LRRC4C: variants seen among roughly 807,000 people sequenced by gnomAD.
LRRC4C encodes the protein leucine-rich repeat-containing protein 4C.
A neutral mutation model predicts 33.6 loss-of-function variants in LRRC4C; 5 were observed. That is an observed-to-expected ratio of 0.15 (90% CI 0.08 to 0.31). LRRC4C has a LOEUF of 0.31. Among genes scored for constraint, LRRC4C ranks in the 10% least tolerant of loss-of-function variants. LRRC4C has a pLI of 1.00. For missense variants in LRRC4C, 560 were observed against 796.7 expected (o/e 0.70, Z 3.58); for synonymous variants, 329 against 302.0 (o/e 1.09, Z -0.93).
At chr11:41,148,674 T>C (rs1434726369) in intron 1 of LRRC4C, among the ~76,000 whole-genome samples, 2 of 152,098 alleles carry the variant, frequency 1.3e-5, no homozygotes, top group African/African-American at 4.8e-5. Flanking sequence ...CTCTCTGGCC[T>C]GGAACTGGTA....
chr11:40,366,317 A>G (rs1948205991), intron 3 of LRRC4C, among the ~76,000 whole-genome samples: 1 of 152,090 alleles, frequency 6.6e-6, no homozygotes, highest in Non-Finnish European at 1.5e-5. Flanking sequence ...TGTACAAGGT[A>G]CCAGCCTTGG....
intron 1 of LRRC4C, among the ~76,000 whole-genome samples, chr11:41,016,755 T>C (rs966821208): frequency 5.3e-5 from 8 of 152,166 alleles, no homozygotes; most frequent in African/African-American, 1.9e-4. Flanking sequence ...GTGTTCCCTG[T>C]ACTAGCTCAC....
intron 6 of LRRC4C, among the ~76,000 whole-genome samples, chr11:40,134,509 T>C (rs7936167): frequency 0.22 from 33,624 of 151,958 alleles, 4,549 homozygotes; most frequent in African/African-American, 0.39. Context: ...GAAACTACTG[T>C]CCACAGGCAA....
intron 1 of LRRC4C, among the ~76,000 whole-genome samples, chr11:41,012,186 G>T (rs1169645935): frequency 6.6e-6 from 1 of 151,852 alleles, no homozygotes; most frequent in Non-Finnish European, 1.5e-5. Flanking sequence ...TTATTTATTT[G>T]ATCAAACTCT....
chr11:40,782,955 A>T (rs1436398240), intron 2 of LRRC4C, among the ~76,000 whole-genome samples: 1 of 152,102 alleles, frequency 6.6e-6, no homozygotes, highest in Non-Finnish European at 1.5e-5. Context: ...ATATATTTAT[A>T]AATTCAGTTA....
chr11:41,006,513 T>C (rs962284918), intron 1 of LRRC4C, among the ~76,000 whole-genome samples: 3 of 152,178 alleles, frequency 2.0e-5, no homozygotes, highest in African/African-American at 7.2e-5. Flanking sequence ...AGATGTCATT[T>C]GAAAAGGACA....
At chr11:40,191,299 A>T (rs2135608109) in intron 5 of LRRC4C, among the ~76,000 whole-genome samples, 1 of 152,244 alleles carries the variant, frequency 6.6e-6, no homozygotes, top group African/African-American at 2.4e-5. Flanking sequence ...TTCCTGTTTC[A>T]TTTTCTCAAA....
chr11:40,877,298 A>T (rs1232311605), intron 2 of LRRC4C, among the ~76,000 whole-genome samples: 2 of 152,154 alleles, frequency 1.3e-5, no homozygotes, highest in African/African-American at 4.8e-5. Context: ...AGTTTTCCCG[A>T]CATGTAATTA....
At chr11:40,640,343 G>C (rs903754318) in intron 3 of LRRC4C, among the ~76,000 whole-genome samples, 3 of 151,746 alleles carry the variant, frequency 2.0e-5, no homozygotes, top group African/African-American at 7.3e-5. Flanking sequence ...GTCTTACTGC[G>C]CTGACGGAAG....
intron 1 of LRRC4C, among the ~76,000 whole-genome samples, chr11:41,317,839 T>C (rs1298780500): frequency 6.6e-6 from 1 of 152,100 alleles, no homozygotes; most frequent in Non-Finnish European, 1.5e-5. Context: ...TTTAACAATA[T>C]ATTAGCATTT....
intron 1 of LRRC4C, among the ~76,000 whole-genome samples, chr11:41,123,445 T>C (rs1386916378): frequency 6.6e-6 from 1 of 150,540 alleles, no homozygotes; most frequent in Admixed American, 6.6e-5. Flanking sequence ...GCTAATTTTT[T>C]GTATTTTTAG....
rs548281640 is a variant in LRRC4C at position 41,250,134 on chromosome 11, A to T, written c.-496+209297T>A. Among the ~76,000 whole-genome samples the T allele has an allele frequency of 1.6e-3, 240 of 152,268 alleles. 1 individual carries two copies. Among genetic ancestry groups the T allele is most frequent in the African/African-American group, 5.5e-3 (227 of 41,536 alleles). Reference sequence around the variant, plus strand: ...CAGTGAGCTGAGATCATGCCACTGCACTCCAGCCTGGGCAACAGAGCAAGA... The same window carrying T: ...CAGTGAGCTGAGATCATGCCACTGCTCTCCAGCCTGGGCAACAGAGCAAGA... On this transcript the variant is annotated intron_variant, in intron 1 of 6. Coordinates refer to ENST00000528697, the MANE Select transcript of LRRC4C (RefSeq NM_001258419.2).
intron 2 of LRRC4C, among the ~76,000 whole-genome samples, chr11:40,782,642 G>C (rs1950259881): frequency 6.6e-6 from 1 of 152,068 alleles, no homozygotes; most frequent in Non-Finnish European, 1.5e-5. Context: ...AAATTATAAT[G>C]TTAGTTTGTG....
intron 3 of LRRC4C, among the ~76,000 whole-genome samples, chr11:40,579,942 A>G (rs531266597): frequency 2.1e-4 from 32 of 152,250 alleles, no homozygotes; most frequent in African/African-American, 7.2e-4. Context: ...CAATCACAGT[A>G]ACTCACCTGA....
At chr11:40,910,228 G>A (rs532867105) in intron 2 of LRRC4C, among the ~76,000 whole-genome samples, 5 of 152,206 alleles carry the variant, frequency 3.3e-5, no homozygotes, top group African/African-American at 1.2e-4. Context: ...ACTGCCATGA[G>A]TGTTATAAGA....
intron 2 of LRRC4C, among the ~76,000 whole-genome samples, chr11:40,730,537 C>CAGT (rs1591571047): frequency 1.3e-5 from 2 of 151,906 alleles, no homozygotes; most frequent in East Asian, 3.9e-4. Context: ...GACTTAAAGG[C>CAGT]AATAGATGAG....
chr11:40,825,488 A>G (rs553888988), intron 2 of LRRC4C, among the ~76,000 whole-genome samples: 2 of 152,080 alleles, frequency 1.3e-5, no homozygotes, highest in Admixed American at 6.6e-5. Context: ...TCTCAGGAAC[A>G]GAAGAACTTG....
rs144334614 is a variant in LRRC4C at position 41,168,327 on chromosome 11, C to T, written c.-495-234604G>A. On this transcript the variant is annotated intron_variant, in intron 1 of 6. Coordinates refer to ENST00000528697, the MANE Select transcript of LRRC4C (RefSeq NM_001258419.2). The stretch of plus-strand genomic sequence containing the variant: ...GTTTAATAAACTGGATAACAGCTTA[C>T]AATTGATGAGGAGTGAACTACAGAA... 2.8e-4 allele frequency among the ~76,000 whole-genome samples: 42 copies of T among 152,294 alleles called. 1 individual carries two copies. The East Asian group carries it at 7.5e-3, about 27-fold the overall frequency.
chr11:40,644,712 G>T (rs114672045), intron 3 of LRRC4C, among the ~76,000 whole-genome samples: 1 of 152,298 alleles, frequency 6.6e-6, no homozygotes, highest in African/African-American at 2.4e-5. Flanking sequence ...TAATGACAAA[G>T]TTACGGAAAT....
Sources: gnomAD v4.1 joint callset for allele counts (sites outside exome capture counted in the v4.1 genomes callset) on GRCh38, gnomAD v4.1.1 for gene constraint, MANE v1.5 for transcripts, NCBI Gene and HGNC (gene_info 2026-07-23, HGNC 2026-07-21) for gene names.